The following VTI1A variants were observed in gnomAD, a reference collection of about 807,000 sequenced individuals.
VTI1A encodes vesicle transport through interaction with t-SNAREs 1A, also known as vesicle transport through interaction with t-SNAREs homolog 1A.
Under a neutral mutation model 34.9 loss-of-function variants are expected in VTI1A, and 22 were observed. The observed-to-expected ratio is 0.63, with a 90% CI of 0.45 to 0.90. VTI1A has a LOEUF of 0.90. Ranked by LOEUF, VTI1A falls within the 40% of genes least tolerant of loss-of-function variation. The probability of loss-of-function intolerance (pLI) is 0.00; values close to 1 mark genes in which losing one functional copy is unlikely to be tolerated. For synonymous variants in VTI1A, 87 were observed against 97.3 expected (o/e 0.89, Z 0.62); for missense variants, 268 against 275.6 (o/e 0.97, Z 0.20).
chr10:112,595,002 C>T lies in VTI1A; in HGVS notation c.427+56672C>T, dbSNP rs1460470299. Among the ~76,000 whole-genome samples, 654 of 142,980 alleles carry T rather than the reference C, an allele frequency of 4.6e-3. 3 individuals are homozygous for T. Among genetic ancestry groups the T allele is most frequent in the African/African-American group, 0.017 (595 of 35,774 alleles). The allele number at this position is 142,980 out of a possible 152,430, so 93.8% of individuals were successfully genotyped here. On this transcript the variant is annotated intron_variant, in intron 5 of 7. Transcript: ENST00000393077. ...AACAGAACAGAGCCCTCAGAAATAA[C>T]GCCACATATCTACAACTATCTGATC...
At chr10:112,529,814 G>T (rs1311392553) in intron 4 of VTI1A, among the ~76,000 whole-genome samples, 2 of 151,902 alleles carry the variant, frequency 1.3e-5, no homozygotes, top group East Asian at 1.9e-4. Flanking sequence ...TACTGGCTAG[G>T]TATTTTCAAT....
chr10:112,485,979 C>T (rs1272118045), intron 3 of VTI1A, among the ~76,000 whole-genome samples: 2 of 152,142 alleles, frequency 1.3e-5, no homozygotes, highest in Non-Finnish European at 2.9e-5. Flanking sequence ...TCCTGCCTCT[C>T]GGATCTTTTT....
chr10:112,471,780 G>C (rs1213636063), intron 3 of VTI1A, among the ~76,000 whole-genome samples: 2 of 150,700 alleles, frequency 1.3e-5, no homozygotes, highest in African/African-American at 2.5e-5. Context: ...GAATGTTCCA[G>C]GAAAATGAAC....
intron 5 of VTI1A, among the ~76,000 whole-genome samples, chr10:112,571,068 C>A (rs1589918181): frequency 6.6e-6 from 1 of 152,158 alleles, no homozygotes; most frequent in Non-Finnish European, 1.5e-5. Flanking sequence ...TTATCTTTAT[C>A]TTCAAAACAT....
chr10:112,522,778 T>C (rs1850073955), intron 3 of VTI1A, among the ~76,000 whole-genome samples: 1 of 152,104 alleles, frequency 6.6e-6, no homozygotes, highest in African/African-American at 2.4e-5. Context: ...GCTGATTTTA[T>C]TGTAATACCA....
At chr10:112,706,706 C>T (rs1286904200) in intron 7 of VTI1A, among the ~76,000 whole-genome samples, 1 of 152,184 alleles carries the variant, frequency 6.6e-6, no homozygotes, top group Non-Finnish European at 1.5e-5. Flanking sequence ...CTGCTTTCGA[C>T]TTACATGCAC....
chr10:112,449,519 C>T (rs746749966), intron 1 of VTI1A: 5 of 152,192 alleles, frequency 3.3e-5, no homozygotes, highest in Admixed American at 6.5e-5. Context: ...TTTGGGAGGC[C>T]GAGGCAGACG....
chr10:112,476,269 C>T (rs545909942), intron 3 of VTI1A, among the ~76,000 whole-genome samples: 1 of 152,100 alleles, frequency 6.6e-6, no homozygotes, highest in African/African-American at 2.4e-5. Flanking sequence ...CAATATTCTG[C>T]AAATATATGG....
At chr10:112,536,769 A>C (rs1850637803) in intron 4 of VTI1A, among the ~76,000 whole-genome samples, 1 of 146,974 alleles carries the variant, frequency 6.8e-6, no homozygotes, top group Non-Finnish European at 1.5e-5. Flanking sequence ...CCCCCAAAAA[A>C]ATTTCAAGGA....
intron 7 of VTI1A, among the ~76,000 whole-genome samples, chr10:112,675,652 C>G (rs1035757495): frequency 6.6e-6 from 1 of 152,216 alleles, no homozygotes; most frequent in African/African-American, 2.4e-5. Context: ...TATAATCTCC[C>G]TTACCTCCGG....
At chr10:112,593,656 T>G (rs2134441680) in intron 5 of VTI1A, among the ~76,000 whole-genome samples, 1 of 152,346 alleles carries the variant, frequency 6.6e-6, no homozygotes, top group East Asian at 1.9e-4. Flanking sequence ...CATTTTTTGG[T>G]AAATACCAGG....
At chr10:112,700,117 C>CAAAAAAAAAAAAAAA (rs1201699870) in intron 7 of VTI1A, among the ~76,000 whole-genome samples, 2 of 40,426 alleles carry the variant, frequency 4.9e-5, no homozygotes, top group African/African-American at 6.8e-5. Flanking sequence ...GACTCCATCT[C>CAAAAAAAAAAAAAAA]AAAAAAAAAA....
chr10:112,467,852 A>G (rs113730014), intron 3 of VTI1A, among the ~76,000 whole-genome samples: 1,817 of 152,330 alleles, frequency 0.012, 27 homozygotes, highest in African/African-American at 0.042. Flanking sequence ...CTTGAGTACT[A>G]TGGTGTGTCA....
intron 3 of VTI1A, among the ~76,000 whole-genome samples, chr10:112,524,837 A>G (rs1243718366): frequency 6.6e-6 from 1 of 152,184 alleles, no homozygotes; most frequent in Non-Finnish European, 1.5e-5. Flanking sequence ...TTAAAAAGGC[A>G]GCTCTGATAC....
intron 7 of VTI1A, among the ~76,000 whole-genome samples, chr10:112,748,595 CT>C (rs746355549): frequency 0.094 from 8,451 of 89,602 alleles, 825 homozygotes; most frequent in African/African-American, 0.28. Context: ...ACCTGTTACT[CT>C]TTTTTTTTTT....
At chr10:112,464,341 T>C (rs1412644426) in intron 2 of VTI1A, among the ~76,000 whole-genome samples, 3 of 152,256 alleles carry the variant, frequency 2.0e-5, no homozygotes, top group Non-Finnish European at 4.4e-5. Context: ...GCACAGTGTG[T>C]GTCACTTGGC....
the VTI1A span, among the ~76,000 whole-genome samples, chr10:112,836,981 C>T: frequency 6.6e-6 from 1 of 152,202 alleles, no homozygotes; most frequent in African/African-American, 2.4e-5. Context: ...CTTCGGAGCT[C>T]AGGACTGTGA....
At chr10:112,468,592 T>C (rs1847979902) in intron 3 of VTI1A, among the ~76,000 whole-genome samples, 1 of 152,164 alleles carries the variant, frequency 6.6e-6, no homozygotes, top group Non-Finnish European at 1.5e-5. Flanking sequence ...TTTGACTCGT[T>C]TGTCCACTTG....
intron 5 of VTI1A, among the ~76,000 whole-genome samples, chr10:112,637,475 G>A (rs973518360): frequency 1.3e-5 from 2 of 152,078 alleles, no homozygotes; most frequent in Non-Finnish European, 2.9e-5. Flanking sequence ...CTGGCTAACA[G>A]GGTGAAACCC....
Sources: allele counts gnomAD v4.1 joint callset (sites outside exome capture counted in the v4.1 genomes callset), GRCh38; gene constraint gnomAD v4.1.1; transcripts MANE v1.5; gene names NCBI Gene and HGNC (gene_info 2026-07-23, HGNC 2026-07-21).